The following PTK2B variants were observed in gnomAD, a reference collection of about 807,000 sequenced individuals.
The protein encoded by PTK2B is protein-tyrosine kinase 2-beta.
A neutral mutation model predicts 142.9 loss-of-function variants in PTK2B; 71 were observed. The ratio of observed to expected loss-of-function variants is 0.50; its 90% CI spans 0.41 to 0.61. PTK2B has a LOEUF of 0.61. PTK2B is among the 20% of genes least tolerant of loss of function. PTK2B has a pLI of 0.00. For synonymous variants in PTK2B, 519 were observed against 503.4 expected (o/e 1.03, Z -0.42); for missense variants, 1,105 against 1,320.4 (o/e 0.84, Z 2.53).
chr8:27,352,292 A>G (rs548925317), intron 1 of PTK2B, among the ~76,000 whole-genome samples: 2 of 151,980 alleles, frequency 1.3e-5, no homozygotes, highest in Non-Finnish European at 2.9e-5. Flanking sequence ...TCACCCACCT[A>G]CTCACCTATA....
At chr8:27,434,379 T>C in intron 12 of PTK2B, 134 bp from the exon 13 acceptor site, 2 of 1,117,826 alleles carry the variant, frequency 1.8e-6, no homozygotes, top group Non-Finnish European at 2.5e-6. Context: ...GCCTGGGCTG[T>C]GCTCCCAGGT....
intron 1 of PTK2B, among the ~76,000 whole-genome samples, chr8:27,338,435 G>T (rs1276209086): frequency 6.6e-6 from 1 of 152,040 alleles, no homozygotes; most frequent in Non-Finnish European, 1.5e-5. Context: ...CAAATTGGAT[G>T]CAATATATAC....
At chr8:27,374,648 G>C (rs1423932945) in intron 1 of PTK2B, among the ~76,000 whole-genome samples, 2 of 152,178 alleles carry the variant, frequency 1.3e-5, no homozygotes, top group Non-Finnish European at 2.9e-5. Flanking sequence ...GTGGCCTCCA[G>C]TGTGAGTGTG....
chr8:27,340,660 C>T lies in PTK2B; in HGVS notation c.-38+14979C>T, dbSNP rs149028245. Among the ~76,000 whole-genome samples the T allele has an allele frequency of 1.6e-3, 247 of 152,364 alleles. 1 individual carries two copies. Among genetic ancestry groups the T allele is most frequent in the African/African-American group, 4.5e-3 (187 of 41,594 alleles). On this transcript the variant is annotated intron_variant, in intron 1 of 30. Coordinates refer to ENST00000346049, the MANE Select transcript of PTK2B (RefSeq NM_173176.3). Reference sequence around the variant, plus strand: ...GGACTTTGGCCCCAGGCCACAGGAGCTCTTGCACCAAGCATGGAGAAGCCT... The same window carrying T: ...GGACTTTGGCCCCAGGCCACAGGAGTTCTTGCACCAAGCATGGAGAAGCCT...
chr8:27,402,805 G>C (rs1256497548), intron 2 of PTK2B, among the ~76,000 whole-genome samples: 1 of 152,206 alleles, frequency 6.6e-6, no homozygotes, highest in African/African-American at 2.4e-5. Flanking sequence ...CTTCATTTAA[G>C]CTACTGTCAT....
intron 1 of PTK2B, among the ~76,000 whole-genome samples, chr8:27,359,487 G>A (rs1805576993): frequency 6.6e-6 from 1 of 152,148 alleles, no homozygotes; most frequent in African/African-American, 2.4e-5. Context: ...TCTATAACGT[G>A]CATCTGCTGC....
intron 3 of PTK2B, among the ~76,000 whole-genome samples, chr8:27,319,708 AT>A (rs1227235217): frequency 2.0e-5 from 3 of 151,922 alleles, no homozygotes; most frequent in Non-Finnish European, 4.4e-5. Flanking sequence ...GTTATGAGCT[AT>A]AGCAATAGCA....
upstream of PTK2B, among the ~76,000 whole-genome samples, chr8:27,320,980 CTTT>C (rs776395346): frequency 6.1e-4 from 24 of 39,386 alleles, no homozygotes; most frequent in African/African-American, 1.8e-3. Context: ...ATACAAAAGG[CTTT>C]TTTTTTTTTT....
chr8:27,381,874 A>C (rs1025508801), intron 1 of PTK2B, among the ~76,000 whole-genome samples: 4 of 152,006 alleles, frequency 2.6e-5, no homozygotes, highest in African/African-American at 9.7e-5. Flanking sequence ...ATGCTATCTC[A>C]TTGTAGTTTT....
At chr8:27,401,227 G>GA (rs1473607637) in intron 2 of PTK2B, among the ~76,000 whole-genome samples, 3 of 151,236 alleles carry the variant, frequency 2.0e-5, no homozygotes, top group Non-Finnish European at 4.4e-5. Context: ...GGAAAAACAA[G>GA]AATCAGTCAA....
Position 27,437,512 on chromosome 8 carries a change from C to A in PTK2B, c.1527+16C>A, listed in dbSNP as rs753818945. 8.9e-6 allele frequency: 14 copies of A among 1,574,822 alleles called. No individual in the cohort carries two copies. In the South Asian group the frequency reaches 1.3e-4, roughly 14 times the overall value. On this transcript the variant is annotated intron_variant, in intron 17 of 30. Coordinates refer to ENST00000346049, the MANE Select transcript of PTK2B (RefSeq NM_173176.3). ...CTATGGGGAGGTGAGCTGGAGGACCCTGCGATGACAACTGGGCTGCAGCAT... is the reference window on the plus strand; with the variant it reads ...CTATGGGGAGGTGAGCTGGAGGACCATGCGATGACAACTGGGCTGCAGCAT...
Position 27,412,656 on chromosome 8 carries a change from C to G in PTK2B, c.205-7239C>G, listed in dbSNP as rs530956269. ...TAGAAAGCTCCCAAGGTCTTCCTTA[C>G]CTGAAGCTGAAATCTATCTTCCTAT... On this transcript the variant is annotated intron_variant, in intron 2 of 30. Transcript: ENST00000346049. Among the ~76,000 whole-genome samples the G allele has an allele frequency of 9.2e-5, 14 of 152,214 alleles. No individual in the cohort carries two copies. The South Asian group carries it at 2.1e-3, about 23-fold the overall frequency.
rs1340856060 is a variant in PTK2B at position 27,422,287 on chromosome 8, A to C, written c.472-17A>C. 3.7e-6 allele frequency: 6 copies of C among 1,610,876 alleles called. No homozygotes were observed. The South Asian group carries it at 6.6e-5, about 18-fold the overall frequency. On this transcript the variant is annotated splice_polypyrimidine_tract_variant and intron_variant, in intron 4 of 30. Transcript: ENST00000346049. Reference sequence around the variant, plus strand: ...GGTGAGGGTGCAAGCCTGATGCTTGACCTTTCTCCCCACCAGCTCCGGAAC... The same window carrying C: ...GGTGAGGGTGCAAGCCTGATGCTTGCCCTTTCTCCCCACCAGCTCCGGAAC...
chr8:27,436,656 G>A (rs909884230), intron 15 of PTK2B, among the ~76,000 whole-genome samples: 1 of 152,194 alleles, frequency 6.6e-6, no homozygotes, highest in Middle Eastern at 3.2e-3. Flanking sequence ...TCTGAGAAAA[G>A]GTGAGGCAGG....
chr8:27,320,219 A>T (rs567823651), intron 3 of PTK2B, among the ~76,000 whole-genome samples: 1 of 152,202 alleles, frequency 6.6e-6, no homozygotes, highest in East Asian at 1.9e-4. Flanking sequence ...TCACCCAATA[A>T]AACCCTGCCT....
chr8:27,343,243 G>A (rs1804518148), intron 1 of PTK2B, among the ~76,000 whole-genome samples: 1 of 152,114 alleles, frequency 6.6e-6, no homozygotes, highest in Admixed American at 6.5e-5. Context: ...GCTCGTTCTT[G>A]TACATCTTCC....
intron 1 of PTK2B, among the ~76,000 whole-genome samples, chr8:27,332,435 G>A (rs1803811139): frequency 6.6e-6 from 1 of 152,150 alleles, no homozygotes; most frequent in African/African-American, 2.4e-5. Flanking sequence ...TCTCGACTCT[G>A]TCATACTCTG....
intron 23 of PTK2B, among the ~76,000 whole-genome samples, 179 bp downstream of exon 23, chr8:27,444,450 A>G (rs1030211459): frequency 2.0e-5 from 3 of 152,204 alleles, no homozygotes; most frequent in African/African-American, 4.8e-5. Context: ...ATTAAAATGC[A>G]GTTCTCCCAG....
intron 9 of PTK2B, 37 bp downstream of exon 9, chr8:27,431,509 C>G (rs748303327): frequency 3.1e-6 from 5 of 1,611,676 alleles, no homozygotes; most frequent in Non-Finnish European, 3.4e-6. Flanking sequence ...CAGCCCCAGG[C>G]GGGGAGGTCG....
Sources: gnomAD v4.1 joint callset for allele counts (sites outside exome capture counted in the v4.1 genomes callset) on GRCh38, gnomAD v4.1.1 for gene constraint, MANE v1.5 for transcripts, NCBI Gene and HGNC (gene_info 2026-07-23, HGNC 2026-07-21) for gene names.